The following FUT8 variants were observed in gnomAD, a reference collection of about 807,000 sequenced individuals.
FUT8 encodes the protein fucosyltransferase 8, also known as alpha-(1,6)-fucosyltransferase.
Under a neutral mutation model 71.3 loss-of-function variants are expected in FUT8, and 29 were observed. The ratio of observed to expected loss-of-function variants is 0.41; its 90% CI spans 0.30 to 0.55. The LOEUF is 0.55. FUT8 is among the 20% of genes least tolerant of loss of function. FUT8 has a pLI of 0.34. For synonymous variants in FUT8, 254 were observed against 239.3 expected, an observed-to-expected ratio of 1.06 and a Z score of -0.57; for missense variants, 544 against 702.1, an observed-to-expected ratio of 0.77 and a Z score of 2.55.
At chr14:65,386,774 C>T in the FUT8 span, among the ~76,000 whole-genome samples, 13 of 149,428 alleles carry the variant, frequency 8.7e-5, no homozygotes, top group East Asian at 3.9e-4. Context: ...TCTTGTATTC[C>T]GTATTGTGAA....
At chr14:65,476,447 A>G (rs555247942) in intron 2 of FUT8, among the ~76,000 whole-genome samples, 18 of 152,250 alleles carry the variant, frequency 1.2e-4, no homozygotes, top group Admixed American at 6.5e-5. Context: ...TCAGTCTGTT[A>G]ATGTGTGAAA....
Position 65,445,342 on chromosome 14 carries a change from C to A in FUT8, c.-325-10279C>A, listed in dbSNP as rs75665062. ...CAGAAAGATCCTCACCAGATGCTGG[C>A]GCCTTGATCTTGGACTTACCAGCCT... On this transcript the variant is annotated intron_variant, in intron 1 of 10. Transcript: ENST00000673929. Among the ~76,000 whole-genome samples, 911 of 152,284 alleles carry A rather than the reference C, an allele frequency of 6.0e-3. 10 individuals are homozygous for A. The highest frequency in any genetic ancestry group is 0.034 in the East Asian group (179 of 5,190).
At chr14:65,502,004 A>G (rs1478866486) in intron 2 of FUT8, among the ~76,000 whole-genome samples, 1 of 151,508 alleles carries the variant, frequency 6.6e-6, no homozygotes, top group East Asian at 1.9e-4. Context: ...CCGAGCTCCC[A>G]AACTCAAGCA....
rs896947952 is a variant in FUT8, at chr14:65,550,294, A to G, written c.-227-11043A>G. Among the ~76,000 whole-genome samples, 3 of 152,178 alleles carry G rather than the reference A, an allele frequency of 2.0e-5. No individual in the cohort carries two copies. Among genetic ancestry groups the G allele is most frequent in the Non-Finnish European group, 2.9e-5 (2 of 68,042 alleles). On this transcript the variant is annotated intron_variant, in intron 2 of 10. Coordinates refer to ENST00000673929, the MANE Select transcript of FUT8 (RefSeq NM_001371533.1). The surrounding 1 kb of genome is among the most constrained non-coding windows in gnomAD (Gnocchi z 4.5). ...CATTGTGTGTTCTGATGAACCCATCATAAGTTGAAAGTATCATGAGTCGCA... is the reference window on the plus strand; with the variant it reads ...CATTGTGTGTTCTGATGAACCCATCGTAAGTTGAAAGTATCATGAGTCGCA...
chr14:65,498,226 A>G (rs1332731453), intron 2 of FUT8, among the ~76,000 whole-genome samples: 1 of 152,142 alleles, frequency 6.6e-6, no homozygotes, highest in African/African-American at 2.4e-5. Flanking sequence ...AGTGCTTCAC[A>G]TGACCTTATT....
chr14:65,535,777 A>G (rs545804832), intron 2 of FUT8, among the ~76,000 whole-genome samples: 1 of 152,276 alleles, frequency 6.6e-6, no homozygotes, highest in South Asian at 2.1e-4. Flanking sequence ...GTAGAGTTCT[A>G]TAGATGTCCA....
At chr14:65,396,954 TCCCA>T in the FUT8 span, among the ~76,000 whole-genome samples, 1 of 152,266 alleles carries the variant, frequency 6.6e-6, no homozygotes, top group African/African-American at 2.4e-5. This position sits in a 1 kb window ranked among gnomAD's most constrained non-coding sequence, Gnocchi z 5.5. Flanking sequence ...CAAATGATCC[TCCCA>T]CCTCAGCCTC....
intron 1 of FUT8, among the ~76,000 whole-genome samples, chr14:65,438,969 T>G (rs1217108370): frequency 1.3e-5 from 2 of 152,218 alleles, no homozygotes; most frequent in African/African-American, 4.8e-5. Context: ...TATTTCCTAA[T>G]GAAAAATATA....
chr14:65,418,359 ATC>A (rs748690239), intron 1 of FUT8, among the ~76,000 whole-genome samples: 4 of 152,208 alleles, frequency 2.6e-5, no homozygotes, highest in Non-Finnish European at 5.9e-5. Context: ...TTTCTATAAT[ATC>A]CCTTAAATGA....
the FUT8 span, among the ~76,000 whole-genome samples, chr14:65,368,723 G>T: frequency 6.6e-6 from 1 of 150,548 alleles, no homozygotes; most frequent in South Asian, 2.1e-4. Context: ...GGGTTTCACC[G>T]TGTTAGCCAG....
At chr14:65,377,451 TAAATC>T in the FUT8 span, among the ~76,000 whole-genome samples, 1 of 152,248 alleles carries the variant, frequency 6.6e-6, no homozygotes, top group Non-Finnish European at 1.5e-5. Context: ...CATTCTGTGT[TAAATC>T]AAAGCTGCAT....
chr14:65,398,963 A>C, the FUT8 span, among the ~76,000 whole-genome samples: 1 of 152,230 alleles, frequency 6.6e-6, no homozygotes, highest in Admixed American at 6.5e-5. Context: ...ATCTGGGTTC[A>C]AACCTATTTA....
chr14:65,661,642 A>G (rs909562204), intron 6 of FUT8, among the ~76,000 whole-genome samples: 4 of 152,142 alleles, frequency 2.6e-5, no homozygotes, highest in Non-Finnish European at 5.9e-5. Flanking sequence ...TCATAGAAAA[A>G]AATCATTTAA....
At position 65,669,257 on chromosome 14, in the gene FUT8, CA is replaced by C; in HGVS notation, c.613del (p.Ser205AlafsTer28). 1 of 1,613,298 alleles carries C rather than the reference CA, an allele frequency of 6.2e-7. No individual in the cohort carries two copies. Among genetic ancestry groups the C allele is most frequent in the Non-Finnish European group, 8.5e-7 (1 of 1,179,660 alleles). ...CTCCCTGACAGAATCCCAAGGACTG[CA>C]GCAAAGCCAAAAAGCTGGTGTGTAA... ...ITYLQNPKDCSKAKKLVCNIN... is the reference protein window; with the variant it reads ...ITYLQNPKDCXKAKKLVCNIN... On this transcript the variant is annotated frameshift_variant, in exon 7 of 11. Transcript: ENST00000673929. LOFTEE classifies it high-confidence loss of function. The surrounding 1 kb of genome is among the most constrained non-coding windows in gnomAD (Gnocchi z 4.5).
At chr14:65,700,004 C>G (rs1192259148) in intron 7 of FUT8, among the ~76,000 whole-genome samples, 2 of 152,014 alleles carry the variant, frequency 1.3e-5, no homozygotes, top group Non-Finnish European at 2.9e-5. Flanking sequence ...GTATATCTAC[C>G]TCTTATCTCC....
At chr14:65,727,514 C>T (rs866952775) in intron 9 of FUT8, among the ~76,000 whole-genome samples, 20 of 152,092 alleles carry the variant, frequency 1.3e-4, no homozygotes, top group South Asian at 1.0e-3. Context: ...TTTGTCATGA[C>T]GGAAGCAGCT....
At chr14:65,708,779 A>G (rs1031335897) in intron 7 of FUT8, among the ~76,000 whole-genome samples, 1 of 152,186 alleles carries the variant, frequency 6.6e-6, no homozygotes, top group African/African-American at 2.4e-5. Flanking sequence ...CACATGTGAT[A>G]TCTAAAAACG....
the FUT8 span, among the ~76,000 whole-genome samples, chr14:65,387,593 G>A: frequency 7.9e-5 from 12 of 152,180 alleles, no homozygotes; most frequent in African/African-American, 2.7e-4. Flanking sequence ...TTGAGTGCCT[G>A]TAAATTCAGG....
At chr14:65,606,471 C>G (rs1446265126) in intron 3 of FUT8, among the ~76,000 whole-genome samples, 2 of 151,742 alleles carry the variant, frequency 1.3e-5, no homozygotes, top group East Asian at 3.9e-4. Flanking sequence ...AAATTCTTTT[C>G]TCTCCCAAGA....
Sources: gnomAD v4.1 joint callset for allele counts (sites outside exome capture counted in the v4.1 genomes callset) on GRCh38, gnomAD v4.1.1 for gene constraint, Gnocchi (gnomAD v3.1) non-coding constraint, MANE v1.5 for transcripts, NCBI Gene and HGNC (gene_info 2026-07-23, HGNC 2026-07-21) for gene names.